The following DYNC1I1 variants were observed in gnomAD, a reference collection of about 807,000 sequenced individuals.
DYNC1I1 encodes the protein dynein cytoplasmic 1 intermediate chain 1.
DYNC1I1 carries 43 observed loss-of-function variants against 86.6 expected under a neutral mutation model. That is an observed-to-expected ratio of 0.50 (90% CI 0.39 to 0.64). The LOEUF is 0.64. DYNC1I1 is among the 30% of genes least tolerant of loss of function. The pLI is 0.00. For synonymous variants in DYNC1I1, 262 were observed against 283.7 expected (o/e 0.92, Z 0.77); for missense variants, 604 against 788.8 (o/e 0.77, Z 2.81).
At chr7:95,954,221 G>C (rs527769935) in intron 6 of DYNC1I1, among the ~76,000 whole-genome samples, 1 of 150,866 alleles carries the variant, frequency 6.6e-6, no homozygotes, top group African/African-American at 2.4e-5. Context: ...TTTAAAAATT[G>C]GTTATTTAAA....
downstream of DYNC1I1, among the ~76,000 whole-genome samples, chr7:96,101,523 G>A (rs1423959776): frequency 6.6e-6 from 1 of 152,158 alleles, no homozygotes; most frequent in Non-Finnish European, 1.5e-5. Flanking sequence ...AATATACAAT[G>A]CAGAAAGAAA....
chr7:95,772,570 G>A lies in DYNC1I1; in HGVS notation c.-213G>A, dbSNP rs1034168907. On this transcript the variant is annotated 5_prime_UTR_variant, in exon 1 of 17. Transcript: ENST00000447467. ...GAGCCCCGCAGACTGAGTGCTCCGG[G>A]GAGCTGTCAGTGTCAGGCTCTGGGA... The A allele has an allele frequency of 6.6e-6, 1 of 152,204 alleles. No individual in the cohort carries two copies. Among genetic ancestry groups the A allele is most frequent in the African/African-American group, 2.4e-5 (1 of 41,428 alleles). 9.4% of individuals were successfully genotyped at this position (152,204 alleles called of 1,614,324 possible). A position where few individuals can be genotyped will look rare whatever the true frequency, so the allele number is the denominator to read the frequency against.
At chr7:96,017,851 T>C (rs935163299) in intron 10 of DYNC1I1, among the ~76,000 whole-genome samples, 2 of 152,140 alleles carry the variant, frequency 1.3e-5, no homozygotes, top group Admixed American at 1.3e-4. Context: ...CAAAGCATTT[T>C]CTCCCAAAGT....
chr7:95,956,513 C>G (rs1792718415), intron 6 of DYNC1I1, among the ~76,000 whole-genome samples: 1 of 151,868 alleles, frequency 6.6e-6, no homozygotes, highest in Non-Finnish European at 1.5e-5. Context: ...AGTTATTTCT[C>G]CTAATGCTAT....
intron 5 of DYNC1I1, among the ~76,000 whole-genome samples, chr7:95,851,392 G>A (rs989986300): frequency 1.3e-5 from 2 of 152,052 alleles, no homozygotes; most frequent in Admixed American, 6.6e-5. Flanking sequence ...TCAGAACAGG[G>A]TGCAATTTAA....
intron 14 of DYNC1I1, among the ~76,000 whole-genome samples, chr7:96,063,075 A>G (rs1789832060): frequency 6.6e-6 from 1 of 150,824 alleles, no homozygotes; most frequent in African/African-American, 2.4e-5. Flanking sequence ...AAAGGGGAAT[A>G]TATGTGTATG....
chr7:95,961,866 A>C (rs1315060183), intron 6 of DYNC1I1, among the ~76,000 whole-genome samples: 3 of 152,130 alleles, frequency 2.0e-5, no homozygotes, highest in African/African-American at 4.8e-5. Flanking sequence ...CCTAGCTTCC[A>C]TGCTTCCATC....
At chr7:96,102,374 A>G (rs1791148889), downstream of DYNC1I1, among the ~76,000 whole-genome samples, 1 of 152,138 alleles carries the variant, frequency 6.6e-6, no homozygotes, top group Admixed American at 6.6e-5. Context: ...GGTAAGATAT[A>G]TGCACTCCAG....
chr7:95,898,570 G>A (rs1373039140), intron 6 of DYNC1I1, among the ~76,000 whole-genome samples: 1 of 152,160 alleles, frequency 6.6e-6, no homozygotes. Flanking sequence ...AAATTCAGAC[G>A]TGGGTAAAAT....
At chr7:95,946,542 A>T (rs1792406522) in intron 6 of DYNC1I1, among the ~76,000 whole-genome samples, 1 of 152,172 alleles carries the variant, frequency 6.6e-6, no homozygotes, top group South Asian at 2.1e-4. Flanking sequence ...CTTGCAATCC[A>T]TTACATGTTC....
chr7:95,884,655 C>T (rs1386015405), intron 6 of DYNC1I1, among the ~76,000 whole-genome samples: 2 of 152,016 alleles, frequency 1.3e-5, no homozygotes, highest in Middle Eastern at 3.4e-3. Flanking sequence ...ACAGCTTGGC[C>T]GGGCATGGTG....
intron 6 of DYNC1I1, among the ~76,000 whole-genome samples, chr7:95,974,280 G>GTCTGTCT (rs1793247614): frequency 6.6e-6 from 1 of 152,106 alleles, no homozygotes. Flanking sequence ...AGATTATTTT[G>GTCTGTCT]TCTGTCTTGT....
chr7:95,914,107 A>C (rs1791408656), intron 6 of DYNC1I1, among the ~76,000 whole-genome samples: 1 of 152,252 alleles, frequency 6.6e-6, no homozygotes, highest in Non-Finnish European at 1.5e-5. Context: ...ACCAGGCAAG[A>C]AGGCCTGAAT....
chr7:96,101,379 G>A (rs549504197), downstream of DYNC1I1, among the ~76,000 whole-genome samples: 1 of 152,238 alleles, frequency 6.6e-6, no homozygotes, highest in Admixed American at 6.5e-5. Flanking sequence ...TTCCAATCCA[G>A]AAACCATTGA....
chr7:95,863,141 G>A (rs772489980), intron 5 of DYNC1I1, among the ~76,000 whole-genome samples: 6 of 152,068 alleles, frequency 3.9e-5, no homozygotes, highest in Non-Finnish European at 8.8e-5. Context: ...CTGATGAATG[G>A]ATTAAAAGTA....
At chr7:95,839,310 T>C (rs752322461) in intron 5 of DYNC1I1, among the ~76,000 whole-genome samples, 10 of 152,164 alleles carry the variant, frequency 6.6e-5, no homozygotes, top group Non-Finnish European at 8.8e-5. Flanking sequence ...GGATTACAGA[T>C]GTGAGCCACT....
At chr7:95,980,721 T>C (rs1793437867) in intron 7 of DYNC1I1, among the ~76,000 whole-genome samples, 1 of 151,900 alleles carries the variant, frequency 6.6e-6, no homozygotes, top group South Asian at 2.1e-4. Context: ...TGCCATAGAG[T>C]AGGAAAAAAA....
At chr7:95,972,166 G>A (rs1793190467) in intron 6 of DYNC1I1, among the ~76,000 whole-genome samples, 1 of 152,132 alleles carries the variant, frequency 6.6e-6, no homozygotes, top group South Asian at 2.1e-4. Context: ...GGACTTACTG[G>A]AAGGAAATCT....
intron 6 of DYNC1I1, among the ~76,000 whole-genome samples, chr7:95,909,267 G>A (rs1421936544): frequency 2.7e-5 from 4 of 146,580 alleles, no homozygotes; most frequent in Non-Finnish European, 4.5e-5. Context: ...GGGGCGGGAA[G>A]GGAAAATACA....
Sources: gnomAD v4.1 joint callset for allele counts (sites outside exome capture counted in the v4.1 genomes callset) on GRCh38, gnomAD v4.1.1 for gene constraint, MANE v1.5 for transcripts, NCBI Gene and HGNC (gene_info 2026-07-23, HGNC 2026-07-21) for gene names.